DPP10: variants seen among roughly 807,000 people sequenced by gnomAD.
DPP10 encodes the protein dipeptidyl peptidase like 10.
In DPP10, 33 loss-of-function variants were observed where a neutral mutation model predicts 120.9. That is an observed-to-expected ratio of 0.27 (90% CI 0.21 to 0.37). The LOEUF (loss-of-function observed/expected upper bound fraction) is 0.37. DPP10 is among the 10% of genes least tolerant of loss of function. The pLI, the probability that DPP10 is intolerant of heterozygous loss-of-function variation, is 1.00. For missense variants in DPP10, 816 were observed against 942.8 expected (o/e 0.87, Z 1.76); for synonymous variants, 337 against 326.1 (o/e 1.03, Z -0.36).
chr2:115,611,129 T>C (rs1232298431), intron 5 of DPP10, among the ~76,000 whole-genome samples: 2 of 152,142 alleles, frequency 1.3e-5, no homozygotes, highest in East Asian at 1.9e-4. Flanking sequence ...AAAATCTTCA[T>C]GCAGGAAATG....
At chr2:114,628,540 G>C (rs879631624) in intron 1 of DPP10, among the ~76,000 whole-genome samples, 1 of 152,048 alleles carries the variant, frequency 6.6e-6, no homozygotes, top group East Asian at 1.9e-4. Flanking sequence ...ATAATTAGCT[G>C]GAATTTTTCA....
At chr2:115,442,583 G>A (rs2072180813) in intron 3 of DPP10, among the ~76,000 whole-genome samples, 1 of 152,080 alleles carries the variant, frequency 6.6e-6, no homozygotes, top group African/African-American at 2.4e-5. Flanking sequence ...TTGCCTGTGA[G>A]CATATTACAA....
intron 1 of DPP10, among the ~76,000 whole-genome samples, chr2:114,870,731 C>T (rs1306507414): frequency 7.4e-6 from 1 of 135,638 alleles, no homozygotes; most frequent in Non-Finnish European, 1.6e-5. Context: ...ATAAGATTTA[C>T]AAATAATGGA....
chr2:115,404,680 C>A (rs947858219), intron 3 of DPP10, among the ~76,000 whole-genome samples: 1 of 151,840 alleles, frequency 6.6e-6, no homozygotes, highest in Non-Finnish European at 1.5e-5. Context: ...CTGGAAAGTG[C>A]AACATTGGGA....
intron 2 of DPP10, among the ~76,000 whole-genome samples, chr2:115,331,773 C>A (rs1401428642): frequency 2.0e-5 from 3 of 152,066 alleles, no homozygotes; most frequent in Admixed American, 1.3e-4. Flanking sequence ...GGGATGAAGC[C>A]CACTTGATCA....
At chr2:115,759,578 AATG>A (rs1162060558) in intron 11 of DPP10, among the ~76,000 whole-genome samples, 1 of 152,138 alleles carries the variant, frequency 6.6e-6, no homozygotes, top group Non-Finnish European at 1.5e-5. Flanking sequence ...GGGAATGTAA[AATG>A]ATATGATTAC....
At chr2:115,239,845 A>C (rs976845359) in intron 1 of DPP10, among the ~76,000 whole-genome samples, 1 of 152,140 alleles carries the variant, frequency 6.6e-6, no homozygotes, top group Admixed American at 6.5e-5. Flanking sequence ...GAGTGAGAAC[A>C]TGCAGTGTTT....
At chr2:114,864,322 A>G (rs1456852847) in intron 1 of DPP10, among the ~76,000 whole-genome samples, 1 of 152,226 alleles carries the variant, frequency 6.6e-6, no homozygotes, top group Non-Finnish European at 1.5e-5. Flanking sequence ...AGCTGGGAAT[A>G]TGGTGTTGAC....
chr2:114,726,222 C>A (rs1006741618), intron 1 of DPP10, among the ~76,000 whole-genome samples: 1 of 143,800 alleles, frequency 7.0e-6, no homozygotes, highest in Non-Finnish European at 1.5e-5. Context: ...GGAAACAGAG[C>A]GAGACTACGT....
chr2:114,946,691 T>C (rs903047430), intron 1 of DPP10, among the ~76,000 whole-genome samples: 5 of 152,110 alleles, frequency 3.3e-5, no homozygotes, highest in African/African-American at 1.2e-4. Context: ...TTCTTGTTTA[T>C]ATTTCATTTA....
chr2:114,442,690 G>A lies in DPP10; in HGVS notation c.-89G>A, dbSNP rs1558764271. The A allele has an allele frequency of 4.1e-6, 6 of 1,454,490 alleles. No individual in the cohort carries two copies. The East Asian group carries it at 1.4e-4, about 34-fold the overall frequency. 90.1% of individuals were successfully genotyped at this position (1,454,490 alleles called of 1,614,324 possible). A position where few individuals can be genotyped will look rare whatever the true frequency, so the allele number is the denominator to read the frequency against. ...AGCAGCGGCAGCAGCAACAGCAGCAGCCCCTACTGAAGTCCAATAGAGGAG... is the reference window on the plus strand; with the variant it reads ...AGCAGCGGCAGCAGCAACAGCAGCAACCCCTACTGAAGTCCAATAGAGGAG... On this transcript the variant is annotated 5_prime_UTR_variant, in exon 1 of 26. Coordinates refer to ENST00000410059, the MANE Select transcript of DPP10 (RefSeq NM_020868.6).
chr2:115,601,767 G>A (rs558985642), intron 5 of DPP10, among the ~76,000 whole-genome samples: 3 of 152,052 alleles, frequency 2.0e-5, no homozygotes, highest in African/African-American at 7.2e-5. Flanking sequence ...TCCGCCTCCC[G>A]GGTTCAAGCG....
At chr2:115,262,498 G>T (rs1311647966) in intron 1 of DPP10, among the ~76,000 whole-genome samples, 1 of 151,790 alleles carries the variant, frequency 6.6e-6, no homozygotes. Flanking sequence ...TGACTACATA[G>T]AAATCTAAAG....
intron 1 of DPP10, among the ~76,000 whole-genome samples, chr2:114,522,217 C>G (rs1458115418): frequency 1.3e-5 from 2 of 151,810 alleles, no homozygotes; most frequent in East Asian, 3.9e-4. Flanking sequence ...ATCTCCTGAC[C>G]TCATGATCCG....
chr2:115,715,714 A>G (rs2092472178), intron 7 of DPP10, among the ~76,000 whole-genome samples: 1 of 152,240 alleles, frequency 6.6e-6, no homozygotes, highest in African/African-American at 2.4e-5. Context: ...TACCCGCACA[A>G]TTGTACACAT....
At chr2:115,784,722 G>A (rs527658072) in intron 17 of DPP10, among the ~76,000 whole-genome samples, 3 of 152,016 alleles carry the variant, frequency 2.0e-5, no homozygotes, top group South Asian at 2.1e-4. Context: ...TAGTAGAGAC[G>A]GGGTTTCTCC....
chr2:114,521,804 GT>G (rs758908081), intron 1 of DPP10, among the ~76,000 whole-genome samples: 2,141 of 112,686 alleles, frequency 0.019, 19 homozygotes, highest in African/African-American at 0.061. Flanking sequence ...ATTATCCAAG[GT>G]TTTTTTTTTT....
At chr2:115,287,308 C>T (rs2060444485) in intron 1 of DPP10, among the ~76,000 whole-genome samples, 1 of 151,996 alleles carries the variant, frequency 6.6e-6, no homozygotes, top group South Asian at 2.1e-4. Context: ...TTTAAAATTT[C>T]AGTAGCTTGA....
At chr2:114,682,313 A>C (rs1173795042) in intron 1 of DPP10, among the ~76,000 whole-genome samples, 1 of 151,940 alleles carries the variant, frequency 6.6e-6, no homozygotes, top group Non-Finnish European at 1.5e-5. Context: ...ACTGACATAC[A>C]TCTTCCAAGG....
Sources: allele counts gnomAD v4.1 joint callset (sites outside exome capture counted in the v4.1 genomes callset), GRCh38; gene constraint gnomAD v4.1.1; transcripts MANE v1.5; gene names NCBI Gene and HGNC (gene_info 2026-07-23, HGNC 2026-07-21).